Variants in NSD2 observed in about 807,000 individuals in gnomAD.
The protein encoded by NSD2 is nuclear receptor binding SET domain protein 2, also known as histone-lysine N-methyltransferase NSD2.
In NSD2, 12 loss-of-function variants were observed where a neutral mutation model predicts 139.0. The ratio of observed to expected loss-of-function variants is 0.09; its 90% CI spans 0.06 to 0.14. The LOEUF (loss-of-function observed/expected upper bound fraction) is 0.14. Ranked by LOEUF, NSD2 falls within the 10% of genes least tolerant of loss-of-function variation. The pLI, the probability that NSD2 is intolerant of heterozygous loss-of-function variation, is 1.00. For synonymous variants in NSD2, 669 were observed against 648.7 expected (o/e 1.03, Z -0.48); for missense variants, 1,155 against 1,745.0 (o/e 0.66, Z 6.02).
At chr4:1,944,911 A>G (rs1577509657) in intron 9 of NSD2, 1 of 1,063,252 alleles carries the variant, frequency 9.4e-7, no homozygotes, top group East Asian at 5.1e-5. Context: ...GTATCTCCCA[A>G]CTAGAAACAG....
chr4:1,965,051 CAAAAAAAAAAAA>C (rs555374240), intron 18 of NSD2, among the ~76,000 whole-genome samples: 2 of 47,154 alleles, frequency 4.2e-5, no homozygotes, highest in African/African-American at 7.6e-5. Context: ...CAGTGTTCAG[CAAAAAAAAAAAA>C]AAAAAAAAAA....
rs1723911919 is a variant in NSD2, at chr4:1,948,861, T to C, written c.1882-2211T>C. ...GTTTTCTGTCTTTCTCTCCATGCAT[T>C]TTTTTTCTCATTTTTAAAGCTTTTT... On this transcript the variant is annotated intron_variant, in intron 9 of 21. Coordinates refer to ENST00000508803, the MANE Select transcript of NSD2 (RefSeq NM_001042424.3). The surrounding 1 kb of genome is among the most constrained non-coding windows in gnomAD (Gnocchi z 4.5). 1 of 976,770 alleles carries C rather than the reference T, an allele frequency of 1.0e-6. No individual in the cohort carries two copies. The highest frequency in any genetic ancestry group is 1.7e-5 in the African/African-American group (1 of 57,492). The allele number at this position is 976,770 out of a possible 1,614,324, so 60.5% of individuals were successfully genotyped here. A position where few individuals can be genotyped will look rare whatever the true frequency, so the allele number is the denominator to read the frequency against.
chr4:1,919,546 T>TA (rs1460033926), intron 5 of NSD2, among the ~76,000 whole-genome samples: 1 of 152,200 alleles, frequency 6.6e-6, no homozygotes, highest in Non-Finnish European at 1.5e-5. Flanking sequence ...TTCTCATGCT[T>TA]AAAAGGCTTT....
chr4:1,874,236 C>T (rs1714086800), intron 1 of NSD2, among the ~76,000 whole-genome samples: 1 of 152,080 alleles, frequency 6.6e-6, no homozygotes, highest in African/African-American at 2.4e-5. Context: ...GTCTTCTGAG[C>T]CTCAGTCTCT....
In NSD2 at chr4:1,974,617, C is replaced by G. The variant is rs755697627; in HGVS notation, c.3373-246C>G. The G allele has an allele frequency of 5.0e-5, 33 of 656,916 alleles. No individual in the cohort carries two copies. Among genetic ancestry groups the G allele is most frequent in the Non-Finnish European group, 9.0e-5 (32 of 355,802 alleles). The allele number at this position is 656,916 out of a possible 1,614,324, so 40.7% of individuals were successfully genotyped here. ...ATGGAGGATGCTGGGAGCTCCAGCT[C>G]CCTGTCCTGTCCTCCCCGGCGCTCA... On this transcript the variant is annotated intron_variant, in intron 18 of 21. Transcript: ENST00000508803. The surrounding 1 kb of genome is among the most constrained non-coding windows in gnomAD (Gnocchi z 4.0).
intron 9 of NSD2, chr4:1,940,121 G>A: frequency 8.7e-7 from 1 of 1,153,812 alleles, no homozygotes; most frequent in African/African-American, 1.5e-5. Context: ...AAGTAAGTCT[G>A]CGTTGGTTCT....
At chr4:1,949,031 C>T (rs1019417145) in intron 9 of NSD2, among the ~76,000 whole-genome samples, 1 of 152,210 alleles carries the variant, frequency 6.6e-6, no homozygotes, top group Non-Finnish European at 1.5e-5. Context: ...GTGGGTGACT[C>T]TCTGAGTGGG....
intron 1 of NSD2, among the ~76,000 whole-genome samples, chr4:1,890,713 C>T (rs531189933): frequency 5.9e-5 from 9 of 151,990 alleles, no homozygotes; most frequent in African/African-American, 1.9e-4. Flanking sequence ...GTGGTTCTAC[C>T]TCAGCCTCCC....
At chr4:1,904,109 G>A (rs183366871) in intron 2 of NSD2, 107 bp from the exon 3 acceptor site, 1 of 1,235,424 alleles carries the variant, frequency 8.1e-7, no homozygotes, top group South Asian at 1.5e-5. Flanking sequence ...TCCATTTTTG[G>A]GGGTCTGTGT....
intron 9 of NSD2, among the ~76,000 whole-genome samples, chr4:1,949,527 C>A (rs1416574954): frequency 6.6e-6 from 1 of 152,068 alleles, no homozygotes; most frequent in African/African-American, 2.4e-5. Context: ...CTTTGGGAGG[C>A]CAAGGCGGGT....
At chr4:1,940,312 G>A in intron 9 of NSD2, 1 of 1,072,254 alleles carries the variant, frequency 9.3e-7, no homozygotes, top group Non-Finnish European at 1.1e-6. Flanking sequence ...AGTTACTTGA[G>A]TGTTGAGGTG....
At chr4:1,965,173 A>G (rs1385582468) in intron 18 of NSD2, among the ~76,000 whole-genome samples, 3 of 152,128 alleles carry the variant, frequency 2.0e-5, no homozygotes, top group African/African-American at 7.2e-5. Flanking sequence ...TCTACTAGAC[A>G]GAGACTCTAA....
intron 9 of NSD2, chr4:1,946,959 A>G (rs1723700363): frequency 2.8e-6 from 3 of 1,061,056 alleles, no homozygotes; most frequent in Non-Finnish European, 3.4e-6. Context: ...ACTCTCGGGT[A>G]ATATTTTGAA....
chr4:1,926,223 C>T (rs1420815455), intron 5 of NSD2, among the ~76,000 whole-genome samples: 5 of 149,218 alleles, frequency 3.4e-5, no homozygotes, highest in African/African-American at 7.5e-5. Context: ...GGCATGATCT[C>T]GGCTCACTGC....
rs1577595449 is a variant in NSD2, at chr4:1,978,814, A to G, written c.4003A>G (p.Ser1335Gly). The G allele has an allele frequency of 7.4e-6, 12 of 1,611,622 alleles. No individual in the cohort carries two copies. The East Asian group carries it at 2.7e-4, about 36-fold the overall frequency. ...EHDLGAASVR[S>G]TKTEKPPPEP... ...TGACTTAGGGGCGGCATCGGTCAGA[A>G]GCACCAAGACTGAGAAGCCCCCCCC... The change falls in exon 22 of 22, where the codon AGC becomes GGC. Residue 1335 changes from serine to glycine, a missense_variant. By Grantham distance (56) the Ser-to-Gly change is moderately conservative (BLOSUM62 0). Transcript: ENST00000508803.
chr4:1,871,622 G>C (rs867788292), intron 1 of NSD2, 80 bp downstream of exon 1: 1 of 150,314 alleles, frequency 6.7e-6, no homozygotes, highest in Non-Finnish European at 1.5e-5. Flanking sequence ...TGGGAGGCCT[G>C]AGGGGCGGCG....
intron 1 of NSD2, among the ~76,000 whole-genome samples, chr4:1,890,100 G>C (rs1366036115): frequency 6.6e-6 from 1 of 152,116 alleles, no homozygotes; most frequent in Non-Finnish European, 1.5e-5. Context: ...TTTGTATCTA[G>C]CTTCTTTCAC....
At chr4:1,977,649 A>G (rs1727237515) in intron 21 of NSD2, among the ~76,000 whole-genome samples, 1 of 151,902 alleles carries the variant, frequency 6.6e-6, no homozygotes, top group Non-Finnish European at 1.5e-5. Context: ...GGTGGCATGC[A>G]CCTGTAATCC....
At chr4:1,950,369 A>C (rs1312414421) in intron 9 of NSD2, among the ~76,000 whole-genome samples, 2 of 152,036 alleles carry the variant, frequency 1.3e-5, no homozygotes, top group Non-Finnish European at 2.9e-5. Flanking sequence ...TTTTACCTAG[A>C]CTCAGATGTG....
Sources: gnomAD v4.1 joint callset for allele counts (sites outside exome capture counted in the v4.1 genomes callset) on GRCh38, gnomAD v4.1.1 for gene constraint, Gnocchi (gnomAD v3.1) non-coding constraint, MANE v1.5 for transcripts, NCBI Gene and HGNC (gene_info 2026-07-23, HGNC 2026-07-21) for gene names.